The following PAK4 variants were observed in gnomAD, a reference collection of about 807,000 sequenced individuals.
The protein encoded by PAK4 is p21 (RAC1) activated kinase 4.
Under a neutral mutation model 53.5 loss-of-function variants are expected in PAK4, and 49 were observed. That is an observed-to-expected ratio of 0.92 (90% CI 0.73 to 1.16). The LOEUF (loss-of-function observed/expected upper bound fraction) is 1.16, where lower values mean the gene tolerates loss of function less well. PAK4 is among the 50% of genes most tolerant of loss of function. The pLI is 0.00. For synonymous variants in PAK4, 376 were observed against 375.6 expected (o/e 1.00, Z -0.01); for missense variants, 824 against 850.7 (o/e 0.97, Z 0.39).
At chr19:39,155,646 C>T (rs2074167098) in intron 1 of PAK4, among the ~76,000 whole-genome samples, 1 of 152,150 alleles carries the variant, frequency 6.6e-6, no homozygotes, top group African/African-American at 2.4e-5. Context: ...TGCTGTGGAG[C>T]ATCTTTTTCT....
chr19:39,181,105 TTG>T (rs949156700), downstream of PAK4: 13 of 152,138 alleles, frequency 8.5e-5, no homozygotes, highest in Non-Finnish European at 1.6e-4. Context: ...TTGAGTTTTT[TTG>T]TTTTTTGTTT....
chr19:39,149,583 G>A (rs181467141), intron 1 of PAK4, among the ~76,000 whole-genome samples: 5 of 152,278 alleles, frequency 3.3e-5, no homozygotes, highest in African/African-American at 4.8e-5. Context: ...TAGGCCAGGC[G>A]CGGTGGCTCA....
At chr19:39,172,983 G>T in exon 3 of PAK4, 1 of 1,550,100 alleles carries the variant, frequency 6.5e-7, no homozygotes. Context: ...ACGAGTTTGA[G>T]AACATGTCGG....
rs3752161 is a variant in PAK4, at chr19:39,178,832, C to G, written c.*253C>G. On this transcript the variant is annotated 3_prime_UTR_variant, in exon 9 of 9. Transcript: ENST00000358301. The surrounding 1 kb of genome is among the most constrained non-coding windows in gnomAD (Gnocchi z 4.4). Reference sequence around the variant, plus strand: ...CCACCCTCTGGGACAGGCCCTCCCCCATGTTCTTCTGTCTCCAGGAAGGGC... The same window carrying G: ...CCACCCTCTGGGACAGGCCCTCCCCGATGTTCTTCTGTCTCCAGGAAGGGC... 4 of 458,954 alleles carry G rather than the reference C, an allele frequency of 8.7e-6. No individual in the cohort carries two copies. Among genetic ancestry groups the G allele is most frequent in the Non-Finnish European group, 1.5e-5 (4 of 258,854 alleles). The allele number at this position is 458,954 out of a possible 1,614,324, so 28.4% of individuals were successfully genotyped here.
chr19:39,146,160 C>T (rs1230304203), intron 1 of PAK4, among the ~76,000 whole-genome samples: 3 of 152,214 alleles, frequency 2.0e-5, no homozygotes, highest in Non-Finnish European at 4.4e-5. Flanking sequence ...CTGAGTCCAG[C>T]CCTGTCAGGC....
At chr19:39,176,849 T>A in intron 7 of PAK4, 134 bp downstream of exon 8, 1 of 1,019,440 alleles carries the variant, frequency 9.8e-7, no homozygotes, top group Non-Finnish European at 1.4e-6. Flanking sequence ...AAGGAGGTAC[T>A]GCAGGCATGC....
chr19:39,171,154 T>C (rs2074470787), intron 2 of PAK4, among the ~76,000 whole-genome samples: 1 of 151,832 alleles, frequency 6.6e-6, no homozygotes, highest in Non-Finnish European at 1.5e-5. Flanking sequence ...GCACTTGTGT[T>C]TGCTGCCCTT....
intron 1 of PAK4, among the ~76,000 whole-genome samples, chr19:39,128,564 C>T (rs1474271776): frequency 1.3e-5 from 2 of 152,216 alleles, no homozygotes; most frequent in African/African-American, 2.4e-5. Context: ...AGCCATGGGA[C>T]AAATGATTTA....
rs2074277496 is a variant in PAK4, at chr19:39,161,124, G to T, written c.-22-8408G>T. 6.6e-6 allele frequency among the ~76,000 whole-genome samples: 1 copy of T among 152,232 alleles called. No individual in the cohort carries two copies. Among genetic ancestry groups the T allele is most frequent in the Non-Finnish European group, 1.5e-5 (1 of 68,038 alleles). ...GAGGGCTCCGCGTGGCCTGGTCTGT[G>T]TGCCTGGCACAGCCTGGGCAAGTCC... On this transcript the variant is annotated intron_variant, in intron 1 of 8. Coordinates refer to ENST00000358301, the Ensembl canonical transcript of PAK4. This position sits in a 1 kb window ranked among gnomAD's most constrained non-coding sequence, Gnocchi z 4.5.
At chr19:39,150,814 C>G (rs576141101) in intron 1 of PAK4, among the ~76,000 whole-genome samples, 1 of 152,374 alleles carries the variant, frequency 6.6e-6, no homozygotes, top group South Asian at 2.1e-4. Context: ...CTCTCATGAT[C>G]TGCCTCCACC....
At chr19:39,158,719 A>T (rs1427418284) in intron 1 of PAK4, among the ~76,000 whole-genome samples, 1 of 152,126 alleles carries the variant, frequency 6.6e-6, no homozygotes, top group Non-Finnish European at 1.5e-5. Context: ...TCGTTGAGCC[A>T]CACTCTCTGC....
At chr19:39,167,135 C>A (rs982253755) in intron 1 of PAK4, among the ~76,000 whole-genome samples, 8 of 152,234 alleles carry the variant, frequency 5.3e-5, no homozygotes, top group Middle Eastern at 3.2e-3. Context: ...GGGTCTGCCC[C>A]GCTGTCCGCC....
At chr19:39,177,637 C>G (rs1378055548) in intron 7 of PAK4, 38 bp from the exon 9 acceptor site, 7 of 1,592,310 alleles carry the variant, frequency 4.4e-6, no homozygotes, top group Non-Finnish European at 6.0e-6. Flanking sequence ...CCACCATCCC[C>G]CAACAGCTCA....
rs2074638706 is a variant in PAK4 at position 39,177,826 on chromosome 19, CT to C, written c.1620+18del. The stretch of plus-strand genomic sequence containing the variant: ...CTGCACAAGGTAGGCCCCTCCCTGG[CT>C]GGGAAACTGTGCGCCAGCTGGCGGG... On this transcript the variant is annotated intron_variant, in intron 8 of 8. Transcript: ENST00000358301. 4 of 1,596,550 alleles carry C rather than the reference CT, an allele frequency of 2.5e-6. No individual in the cohort carries two copies. In the Admixed American group the frequency reaches 7.0e-5, roughly 28 times the overall value.
At chr19:39,139,959 G>T (rs2073883199) in intron 1 of PAK4, among the ~76,000 whole-genome samples, 1 of 152,202 alleles carries the variant, frequency 6.6e-6, no homozygotes, top group African/African-American at 2.4e-5. Context: ...ACATGGAGGG[G>T]TTAAGTCACG....
At chr19:39,177,783 C>A (rs750774461) in exon 8 of PAK4, 1 of 1,613,316 alleles carries the variant, frequency 6.2e-7, no homozygotes, top group Non-Finnish European at 8.5e-7. Context: ...GGACAACCTG[C>A]CACCCCGACT....
chr19:39,153,137 A>C (rs2074120511), intron 1 of PAK4, among the ~76,000 whole-genome samples: 1 of 152,198 alleles, frequency 6.6e-6, no homozygotes, highest in Non-Finnish European at 1.5e-5. Context: ...TAGCAAAACC[A>C]ATTACTATAA....
intron 1 of PAK4, among the ~76,000 whole-genome samples, chr19:39,159,050 C>T (rs1209988232): frequency 1.3e-5 from 2 of 152,202 alleles, no homozygotes; most frequent in Non-Finnish European, 2.9e-5. Flanking sequence ...CTTATTCGCT[C>T]GTCCAACATG....
intron 1 of PAK4, chr19:39,168,965 G>A (rs34058542): frequency 0.24 from 36,313 of 154,192 alleles, 4,701 homozygotes; most frequent in East Asian, 0.45. Context: ...CGGGGCAGAC[G>A]AGACCCAGCC....
Sources: allele counts gnomAD v4.1 joint callset (sites outside exome capture counted in the v4.1 genomes callset), GRCh38; gene constraint gnomAD v4.1.1; non-coding constraint Gnocchi (gnomAD v3.1); transcripts MANE v1.5; gene names NCBI Gene and HGNC (gene_info 2026-07-23, HGNC 2026-07-21).